Variants in LRP2BP observed in about 807,000 individuals in gnomAD.
LRP2BP encodes the protein LRP2-binding protein.
LRP2BP carries 38 observed loss-of-function variants against 45.2 expected under a neutral mutation model. The observed-to-expected ratio is 0.84, with a 90% CI of 0.65 to 1.10. The LOEUF is 1.10. Among genes scored for constraint, LRP2BP ranks in the 50% least tolerant of loss-of-function variants. The pLI is 0.00. For synonymous variants in LRP2BP, 153 were observed against 153.9 expected, an observed-to-expected ratio of 0.99 and a Z score of 0.04; for missense variants, 385 against 418.9, an observed-to-expected ratio of 0.92 and a Z score of 0.71.
At chr4:185,369,785 C>A (rs2095408758) in intron 8 of LRP2BP, 2 of 441,892 alleles carry the variant, frequency 4.5e-6, no homozygotes, top group Non-Finnish European at 9.0e-6. Context: ...CTCCTAGAGA[C>A]CATGATTGAA....
intron 1 of LRP2BP, among the ~76,000 whole-genome samples, chr4:185,382,164 G>A (rs1278034625): frequency 6.6e-6 from 1 of 152,024 alleles, no homozygotes; most frequent in Non-Finnish European, 1.5e-5. Flanking sequence ...TTAGCATAAT[G>A]TTTACAACAT....
At position 185,378,156 on chromosome 4, in the gene LRP2BP, T is replaced by A. The variant is rs150704942; in HGVS notation, c.31A>T (p.Asn11Tyr). Residue 11 changes from asparagine (N) to tyrosine (Y), a missense_variant, in exon 2 of 9, where the codon AAC (asparagine) becomes TAC (tyrosine). By Grantham distance (143) the Asn-to-Tyr change is moderately radical. Coordinates refer to ENST00000505916, the MANE Select transcript of LRP2BP (RefSeq NM_001377440.1). ...TGAGATACAGAGGCATAAAAGGGGT[T>A]CTTGGGCAACTTTTCACTGGTCAAC... MKLTSEKLPK[N>Y]PFYASVSQYA... The A allele has an allele frequency of 4.8e-4, 778 of 1,614,114 alleles. 2 individuals carry two copies. The highest frequency in any genetic ancestry group is 4.8e-3 in the Middle Eastern group (29 of 6,058).
chr4:185,378,663 T>C, intron 1 of LRP2BP: 1 of 987,226 alleles, frequency 1.0e-6, no homozygotes, highest in Non-Finnish European at 1.2e-6. Flanking sequence ...CACTTTATTT[T>C]AGCTGTTGTT....
At chr4:185,396,848 C>T (rs1373784538), upstream of LRP2BP, 1 of 1,514,222 alleles carries the variant, frequency 6.6e-7, no homozygotes, top group African/African-American at 1.4e-5. Context: ...CCTGCGCATT[C>T]TTACCTGTCG....
chr4:185,389,203 TTTTTA>T (rs1472564315), intron 1 of LRP2BP, among the ~76,000 whole-genome samples: 5 of 151,282 alleles, frequency 3.3e-5, no homozygotes, highest in Admixed American at 6.6e-5. Context: ...TTTATTTTTA[TTTTTA>T]TTTTATTTAT....
At chr4:185,374,962 T>C (rs931753263) in intron 4 of LRP2BP, among the ~76,000 whole-genome samples, 1 of 152,152 alleles carries the variant, frequency 6.6e-6, no homozygotes, top group Non-Finnish European at 1.5e-5. Flanking sequence ...TATGCACTAA[T>C]ACGACATCTG....
At chr4:185,372,003 T>C (rs10017920) in intron 7 of LRP2BP, among the ~76,000 whole-genome samples, 4,840 of 152,288 alleles carry the variant, frequency 0.032, 252 homozygotes, top group African/African-American at 0.11. Flanking sequence ...TTTTATACAC[T>C]GTGGGTAAAT....
chr4:185,378,831 G>A (rs1288548), intron 1 of LRP2BP: 196,528 of 985,142 alleles, frequency 0.2, 20,340 homozygotes, highest in African/African-American at 0.33. Context: ...AGCAAACTCA[G>A]TTGTTGCTAC....
At chr4:185,388,436 T>TATCTGCCTAC (rs1561092873) in intron 1 of LRP2BP, among the ~76,000 whole-genome samples, 1 of 16,758 alleles carries the variant, frequency 6.0e-5, no homozygotes, top group African/African-American at 1.2e-4. Context: ...TTACTATCTA[T>TATCTGCCTAC]CTACCTATCT....
In LRP2BP at chr4:185,395,825, CA is replaced by C. The variant is rs2095500728; in HGVS notation, c.-1069del. Reference sequence around the variant, plus strand: ...TATTTCTCCGAGCTTTCAAAGGCATCAACAGAAGGGAATCACTAAAAATGTA... The same window carrying C: ...TATTTCTCCGAGCTTTCAAAGGCATCACAGAAGGGAATCACTAAAAATGTA... On this transcript the variant is annotated 5_prime_UTR_variant, in exon 1 of 9. Transcript: ENST00000505916. 12 of 985,410 alleles carry C rather than the reference CA, an allele frequency of 1.2e-5. No homozygotes were observed. The highest frequency in any genetic ancestry group is 1.3e-5 in the Non-Finnish European group (11 of 829,928). The allele number at this position is 985,410 out of a possible 1,614,324, so 61.0% of individuals were successfully genotyped here.
chr4:185,388,051 A>C lies in LRP2BP; in HGVS notation c.-22+6728T>G, dbSNP rs146848304. On this transcript the variant is annotated intron_variant, in intron 1 of 8. Coordinates refer to ENST00000505916, the MANE Select transcript of LRP2BP (RefSeq NM_001377440.1). ...TAGGGGATGCCCCCGTGGTGTGTAG[A>C]CTGCCCCTTAAGTTCACTGAATTTA... 9.6e-4 allele frequency among the ~76,000 whole-genome samples: 146 copies of C among 152,280 alleles called. 2 individuals are homozygous for C. In the East Asian group the frequency reaches 0.024, roughly 25 times the overall value.
intron 1 of LRP2BP, among the ~76,000 whole-genome samples, chr4:185,388,436 T>C (rs377301831): frequency 5.4e-4 from 9 of 16,758 alleles, no homozygotes; most frequent in South Asian, 2.1e-3. Flanking sequence ...TTACTATCTA[T>C]CTACCTATCT....
At position 185,383,875 on chromosome 4, in the gene LRP2BP, G is replaced by A. The variant is rs180720205; in HGVS notation, c.-21-5668C>T. ...ACTACTGGAGACAGGCAGGTGCGCC[G>A]TGTTTTTCCTCATGGAAGGGAGAGA... On this transcript the variant is annotated intron_variant, in intron 1 of 8. Transcript: ENST00000505916. Among the ~76,000 whole-genome samples, 380 of 152,304 alleles carry A rather than the reference G, an allele frequency of 2.5e-3. 1 individual carries two copies. The highest frequency in any genetic ancestry group is 7.4e-3 in the African/African-American group (309 of 41,558).
At chr4:185,377,238 C>A in intron 2 of LRP2BP, 1 of 487,792 alleles carries the variant, frequency 2.1e-6, no homozygotes, top group Non-Finnish European at 3.7e-6. Context: ...GCAATACTGG[C>A]CGGGCGCGGT....
intron 3 of LRP2BP, 45 bp from the exon 4 acceptor site, chr4:185,375,771 A>G: frequency 7.5e-7 from 1 of 1,337,278 alleles, no homozygotes; most frequent in Non-Finnish European, 1.1e-6. Flanking sequence ...TTATGATCTT[A>G]AAGTAATCCC....
chr4:185,396,453 G>A (rs965736349), upstream of LRP2BP: 2 of 158,482 alleles, frequency 1.3e-5, no homozygotes. Flanking sequence ...GCGCACTACC[G>A]GGAGACGTGT....
intron 4 of LRP2BP, among the ~76,000 whole-genome samples, chr4:185,374,848 A>G (rs2095427825): frequency 6.6e-6 from 1 of 152,176 alleles, no homozygotes; most frequent in Non-Finnish European, 1.5e-5. Context: ...CAGCTTTCAC[A>G]TTTATAATTC....
intron 1 of LRP2BP, among the ~76,000 whole-genome samples, chr4:185,389,099 G>T (rs1419424066): frequency 6.6e-6 from 1 of 151,906 alleles, no homozygotes; most frequent in Non-Finnish European, 1.5e-5. Context: ...AGGATGGTCT[G>T]GATCTCCTGA....
At chr4:185,392,038 G>A (rs1006263487) in intron 1 of LRP2BP, among the ~76,000 whole-genome samples, 1 of 152,116 alleles carries the variant, frequency 6.6e-6, no homozygotes, top group African/African-American at 2.4e-5. Context: ...CTACTAATCT[G>A]TAACTTCCCT....
Sources: allele counts gnomAD v4.1 joint callset (sites outside exome capture counted in the v4.1 genomes callset), GRCh38; gene constraint gnomAD v4.1.1; transcripts MANE v1.5; gene names NCBI Gene and HGNC (gene_info 2026-07-23, HGNC 2026-07-21).